OSBPL7: variants seen among roughly 807,000 people sequenced by gnomAD.
The protein encoded by OSBPL7 is oxysterol-binding protein-related protein 7.
In OSBPL7, 66 loss-of-function variants were observed where a neutral mutation model predicts 115.8. The observed-to-expected ratio is 0.57, with a 90% CI of 0.47 to 0.70. The LOEUF (loss-of-function observed/expected upper bound fraction) is 0.70. Ranked by LOEUF, OSBPL7 falls within the 30% of genes least tolerant of loss-of-function variation. The probability of loss-of-function intolerance (pLI) is 0.00; values close to 1 mark genes in which losing one functional copy is unlikely to be tolerated. For missense variants in OSBPL7, 902 were observed against 1,125.5 expected (o/e 0.80, Z 2.84); for synonymous variants, 441 against 439.2 (o/e 1.00, Z -0.05).
Position 47,820,316 on chromosome 17 carries a change from G to A in OSBPL7, c.-38C>T, listed in dbSNP as rs2033361320. On this transcript the variant is annotated 5_prime_UTR_variant, in exon 2 of 23. Coordinates refer to ENST00000007414, the MANE Select transcript of OSBPL7 (RefSeq NM_145798.3). ...GGCCACTCCCTGCTGGGGATGTAGA[G>A]CAGGGAGCAGGGTGGAAGGGGAAGG... is the stretch of plus-strand genomic sequence containing the variant. 2.5e-6 allele frequency: 4 copies of A among 1,596,962 alleles called. No homozygotes were observed. In the East Asian group the frequency reaches 9.0e-5, roughly 36 times the overall value.
At chr17:47,817,422 T>C in intron 7 of OSBPL7, 63 bp from the exon 8 acceptor site, 1 of 1,215,246 alleles carries the variant, frequency 8.2e-7, no homozygotes, top group Non-Finnish European at 1.2e-6. Context: ...GGAGTTTTGC[T>C]CTTGTTGCCC....
At position 47,810,802 on chromosome 17, in the gene OSBPL7, C is replaced by T; in HGVS notation, c.1771G>A (p.Ala591Thr). ...SHHPPISACH[A>T]ESENFAFWQD... The stretch of plus-strand genomic sequence containing the variant: ...CAGAAGGCGAAGTTCTCAGACTCTG[C>T]ATGGCAGGCCGAGATAGGGGGGTGG... The change falls in exon 17 of 23, where the codon GCA (alanine) becomes ACA (threonine). Residue 591 changes from alanine (A) to threonine (T), a missense_variant. Physicochemically the swap from Ala to Thr is moderately conservative, Grantham distance 58. Coordinates refer to ENST00000007414, the MANE Select transcript of OSBPL7 (RefSeq NM_145798.3). 8 of 1,613,964 alleles carry T rather than the reference C, an allele frequency of 5.0e-6. No homozygotes were observed. The highest frequency in any genetic ancestry group is 5.9e-6 in the Non-Finnish European group (7 of 1,179,980).
intron 13 of OSBPL7, 68 bp downstream of exon 13, chr17:47,815,147 G>A (rs1473585155): frequency 1.3e-6 from 2 of 1,555,674 alleles, no homozygotes; most frequent in East Asian, 4.5e-5. Context: ...TGGTCTCTGT[G>A]GACCCCACCC....
At position 47,808,231 on chromosome 17, in the gene OSBPL7, T is replaced by G; in HGVS notation, c.*60A>C. 7.6e-7 allele frequency: 1 copy of G among 1,322,482 alleles called. No homozygotes were observed. Among genetic ancestry groups the G allele is most frequent in the Non-Finnish European group, 1.1e-6 (1 of 925,962 alleles). The allele number at this position is 1,322,482 out of a possible 1,614,324, so 81.9% of individuals were successfully genotyped here. On this transcript the variant is annotated 3_prime_UTR_variant, in exon 23 of 23. Coordinates refer to ENST00000007414, the MANE Select transcript of OSBPL7 (RefSeq NM_145798.3). This position sits in a 1 kb window ranked among gnomAD's most constrained non-coding sequence, Gnocchi z 6.1. Reference sequence around the variant, plus strand: ...GAGCCCGGCCTCACCCATGTGTCCATGGTAGGGGGTGGAGGCAGGAGGAGT... The same window carrying G: ...GAGCCCGGCCTCACCCATGTGTCCAGGGTAGGGGGTGGAGGCAGGAGGAGT...
rs908485352 is a variant in OSBPL7 at position 47,818,514 on chromosome 17, G to A, written c.472C>T (p.His158Tyr). The A allele has an allele frequency of 1.6e-5, 25 of 1,602,118 alleles. No homozygotes were observed. The highest frequency in any genetic ancestry group is 8.5e-5 in the Admixed American group (5 of 58,750). ...CCCAGGGTCCACCTTACCTTCCGGT[G>A]AGCAGTACTGGGCAGTGAGCCACGG... ...MPRGSLPSTA[H>Y]RKVPGAQLPT... Residue 158 changes from histidine to tyrosine, a missense_variant, in exon 6 of 23, where the codon CAC becomes TAC. His to Tyr is a moderately conservative substitution (Grantham distance 83, BLOSUM62 2). Transcript: ENST00000007414.
At position 47,819,785 on chromosome 17, in the gene OSBPL7, G is replaced by A. The variant is rs1221192602; in HGVS notation, c.202-3C>T. The A allele has an allele frequency of 8.7e-6, 14 of 1,614,044 alleles. No homozygotes were observed. In the East Asian group the frequency reaches 8.9e-5, roughly 10 times the overall value. ...CCGTCCTCGAGCACAAAGTATCTCT[G>A]TGATGTTGCCCAGGAGTGACAGGAC... On this transcript the variant is annotated splice_polypyrimidine_tract_variant and splice_region_variant and intron_variant, in intron 3 of 22. Coordinates refer to ENST00000007414, the MANE Select transcript of OSBPL7 (RefSeq NM_145798.3).
At chr17:47,819,365 G>A (rs1203907205) in intron 4 of OSBPL7, 3 of 563,564 alleles carry the variant, frequency 5.3e-6, no homozygotes, top group East Asian at 3.0e-5. Context: ...GTTGTGGAAG[G>A]CAACACCCTC....
At position 47,820,237 on chromosome 17, in the gene OSBPL7, G is replaced by A. The variant is rs145020746; in HGVS notation, c.42C>T (p.Ser14=). The A allele has an allele frequency of 1.2e-4, 199 of 1,613,868 alleles. No homozygotes were observed. The highest frequency in any genetic ancestry group is 1.6e-4 in the Non-Finnish European group (188 of 1,179,982). The change falls in exon 2 of 23, where the codon AGC becomes AGT. Residue 14 remains serine, a synonymous_variant. Transcript: ENST00000007414. ...QERDPPFLPE[S]AQSSKPSSAQ... ...CACTGCTGGGCTTTGAGGACTGAGC[G>A]CTCTCAGGCAGGAAGGGCGGGTCCC...
At chr17:47,815,485 AG>A in intron 12 of OSBPL7, 133 bp from the exon 13 acceptor site, 2 of 1,177,424 alleles carry the variant, frequency 1.7e-6, no homozygotes, top group Non-Finnish European at 2.4e-6. Context: ...ACACCTTCTG[AG>A]CAGAAGAGGC....
intron 5 of OSBPL7, 44 bp from the exon 6 acceptor site, chr17:47,818,660 A>C: frequency 6.6e-7 from 1 of 1,520,920 alleles, no homozygotes; most frequent in Non-Finnish European, 9.0e-7. Context: ...GAAGAGAGGG[A>C]CCACTTTCCA....
rs139555807 is a variant in OSBPL7 at position 47,811,054 on chromosome 17, T to TC, written c.1738-220dup. On this transcript the variant is annotated intron_variant, in intron 16 of 22. Transcript: ENST00000007414. ...TTCTCACTCGCTCTTCCTCAGAAGC[T>TC]CCCCTGGCTGGCCCTGTCTATGGCG... 8.5e-3 allele frequency among the ~76,000 whole-genome samples: 1,291 copies of TC among 152,048 alleles called. 18 individuals are homozygous for TC. Among genetic ancestry groups the TC allele is most frequent in the African/African-American group, 0.029 (1,217 of 41,416 alleles).
At chr17:47,818,836 C>T in intron 5 of OSBPL7, 150 bp downstream of exon 5, 2 of 806,416 alleles carry the variant, frequency 2.5e-6, no homozygotes, top group Non-Finnish European at 4.0e-6. Flanking sequence ...CAGGTTTGCC[C>T]TTGGCTGTTT....
At chr17:47,820,629 T>C in intron 1 of OSBPL7, 1 of 225,608 alleles carries the variant, frequency 4.4e-6, no homozygotes, top group South Asian at 7.0e-5. Flanking sequence ...CTTGGGCACA[T>C]ACTCTGGGGC....
chr17:47,811,775 C>A (rs1394733789), intron 16 of OSBPL7, among the ~76,000 whole-genome samples: 1 of 152,218 alleles, frequency 6.6e-6, no homozygotes, highest in African/African-American at 2.4e-5. Context: ...CCTCCTTCTG[C>A]ACCTTCAGTC....
chr17:47,816,978 C>A lies in OSBPL7; in HGVS notation c.703-106G>T, dbSNP rs1034442096. The A allele has an allele frequency of 1.8e-6, 2 of 1,101,212 alleles. No individual in the cohort carries two copies. The highest frequency in any genetic ancestry group is 3.1e-5 in the African/African-American group (2 of 65,088). 68.2% of individuals were successfully genotyped at this position (1,101,212 alleles called of 1,614,324 possible). Reference sequence around the variant, plus strand: ...CGGCCTCCTGCGCCATGGAGGAGGGCGCAGATTACCCAGCACAGAGGATGC... The same window carrying A: ...CGGCCTCCTGCGCCATGGAGGAGGGAGCAGATTACCCAGCACAGAGGATGC... On this transcript the variant is annotated intron_variant, in intron 8 of 22. Transcript: ENST00000007414. This position sits in a 1 kb window ranked among gnomAD's most constrained non-coding sequence, Gnocchi z 5.8.
In OSBPL7 at chr17:47,807,939, CT is replaced by C; in HGVS notation, c.*351del. ...AGCCTGGGGAGCGTCAAGGAGTCCCCTGTGTCCTAGGAAGGCACTGAAATAG... is the reference window on the plus strand; with the variant it reads ...AGCCTGGGGAGCGTCAAGGAGTCCCCGTGTCCTAGGAAGGCACTGAAATAG... On this transcript the variant is annotated 3_prime_UTR_variant, in exon 23 of 23. Coordinates refer to ENST00000007414, the MANE Select transcript of OSBPL7 (RefSeq NM_145798.3). 3.4e-6 allele frequency: 1 copy of C among 295,966 alleles called. No individual in the cohort carries two copies. Among genetic ancestry groups the C allele is most frequent in the South Asian group, 4.7e-5 (1 of 21,218 alleles). The allele number at this position is 295,966 out of a possible 1,614,324, so 18.3% of individuals were successfully genotyped here.
intron 6 of OSBPL7, 25 bp downstream of exon 6, chr17:47,818,481 G>A: frequency 6.3e-7 from 1 of 1,587,260 alleles, no homozygotes; most frequent in Non-Finnish European, 8.6e-7. Flanking sequence ...CACATTACCT[G>A]CCCCCACCCC....
chr17:47,816,086 C>G lies in OSBPL7; in HGVS notation c.1119+21G>C. On this transcript the variant is annotated intron_variant, in intron 12 of 22. Transcript: ENST00000007414. This position sits in a 1 kb window ranked among gnomAD's most constrained non-coding sequence, Gnocchi z 5.8. ...GAAGGCACAGGAGAATCGGCCCCCA[C>G]AGCCCACCCTGGCTCCTCACCTCCT... 1 of 1,539,346 alleles carries G rather than the reference C, an allele frequency of 6.5e-7. No homozygotes were observed. The highest frequency in any genetic ancestry group is 8.8e-7 in the Non-Finnish European group (1 of 1,139,738).
intron 3 of OSBPL7, 45 bp downstream of exon 3, chr17:47,819,926 C>CCCCCCCCCCCCCTT: frequency 6.5e-7 from 1 of 1,537,902 alleles, no homozygotes. Context: ...CCCATTCCCA[C>CCCCCCCCCCCCCTT]CCCGCCCCCC....
Sources: gnomAD v4.1 joint callset for allele counts (sites outside exome capture counted in the v4.1 genomes callset) on GRCh38, gnomAD v4.1.1 for gene constraint, Gnocchi (gnomAD v3.1) non-coding constraint, MANE v1.5 for transcripts, NCBI Gene and HGNC (gene_info 2026-07-23, HGNC 2026-07-21) for gene names.